The following EFCAB7 variants were observed in gnomAD, a reference collection of about 807,000 sequenced individuals.
EFCAB7 encodes the protein EF-hand calcium-binding domain-containing protein 7.
EFCAB7 carries 66 observed loss-of-function variants against 77.1 expected under a neutral mutation model. The ratio of observed to expected loss-of-function variants is 0.86; its 90% confidence interval spans 0.70 to 1.05. The LOEUF (loss-of-function observed/expected upper bound fraction) is 1.05, where lower values mean the gene tolerates loss of function less well. Ranked by LOEUF, EFCAB7 falls within the 50% of genes least tolerant of loss-of-function variation. The pLI is 0.00. For missense variants in EFCAB7, 638 were observed against 730.5 expected, an observed-to-expected ratio of 0.87 and a Z score of 1.46; for synonymous variants, 225 against 243.3, an observed-to-expected ratio of 0.92 and a Z score of 0.70.
the EFCAB7 span, among the ~76,000 whole-genome samples, chr1:63,582,247 A>G: frequency 1.3e-5 from 2 of 152,246 alleles, no homozygotes; most frequent in Non-Finnish European, 2.9e-5. Context: ...AAATGCCACT[A>G]GTGACATTAG....
At chr1:63,575,251 A>G (rs576064857), downstream of EFCAB7, among the ~76,000 whole-genome samples, 1 of 152,090 alleles carries the variant, frequency 6.6e-6, no homozygotes, top group African/African-American at 2.4e-5. Flanking sequence ...ACATATTCTT[A>G]AATTACTATA....
At chr1:63,557,950 A>G (rs1647051168) in intron 10 of EFCAB7, among the ~76,000 whole-genome samples, 1 of 152,200 alleles carries the variant, frequency 6.6e-6, no homozygotes, top group Admixed American at 6.5e-5. Flanking sequence ...TCACTGGGAT[A>G]GCTATATGTG....
At chr1:63,533,361 G>A (rs893215922) in intron 4 of EFCAB7, 93 bp from the exon 5 acceptor site, 31 of 884,784 alleles carry the variant, frequency 3.5e-5, no homozygotes, top group Middle Eastern at 5.4e-4. Context: ...CCATCTATCA[G>A]TCTGTTCCTT....
chr1:63,582,837 T>C, the EFCAB7 span, among the ~76,000 whole-genome samples: 13 of 152,296 alleles, frequency 8.5e-5, no homozygotes, highest in African/African-American at 3.1e-4. Flanking sequence ...ACTTCTGACC[T>C]CAGGTAATCC....
At chr1:63,566,531 G>A (rs1358110526) in intron 11 of EFCAB7, among the ~76,000 whole-genome samples, 1 of 152,118 alleles carries the variant, frequency 6.6e-6, no homozygotes, top group African/African-American at 2.4e-5. Context: ...TAGAGAATAT[G>A]TTTTAACATG....
intron 1 of EFCAB7, among the ~76,000 whole-genome samples, chr1:63,524,008 T>G (rs1415551647): frequency 6.6e-6 from 1 of 152,148 alleles, no homozygotes; most frequent in East Asian, 1.9e-4. Flanking sequence ...GGCCGGAGTT[T>G]TAAGTAAGGG....
At chr1:63,535,013 T>TTCA (rs766203495) in intron 6 of EFCAB7, among the ~76,000 whole-genome samples, 3 of 152,234 alleles carry the variant, frequency 2.0e-5, no homozygotes, top group Admixed American at 6.5e-5. Context: ...GTCCAACATG[T>TTCA]TCATACACAA....
intron 9 of EFCAB7, among the ~76,000 whole-genome samples, chr1:63,556,198 G>T (rs1359913983): frequency 6.6e-6 from 1 of 152,028 alleles, no homozygotes; most frequent in Non-Finnish European, 1.5e-5. Context: ...TGACAATATG[G>T]TGATTATAGT....
rs1646574205 is a variant in EFCAB7, at chr1:63,525,588, C to T, written c.16C>T (p.Arg6Ter). The part of the protein sequence containing the change: MAISP[R>*]SDATFSSQKS... The stretch of plus-strand genomic sequence containing the variant: ...TTCCAATAGAATGGCGATCAGTCCA[C>T]GAAGCGATGCAACTTTCTCCAGTCA... Residue 6 changes from arginine (R) to a stop codon, truncating the protein, a stop_gained, in exon 2 of 14, where the codon CGA (arginine) becomes TGA (stop). Coordinates refer to ENST00000371088, the MANE Select transcript of EFCAB7 (RefSeq NM_032437.4). LOFTEE classifies it high-confidence loss of function. The T allele has an allele frequency of 5.1e-6, 8 of 1,566,516 alleles. No homozygotes were observed. Among genetic ancestry groups the T allele is most frequent in the East Asian group, 2.3e-5 (1 of 43,064 alleles).
In EFCAB7 at chr1:63,533,709, AT is replaced by A; in HGVS notation, c.682+65del. 3.0e-6 allele frequency: 4 copies of A among 1,311,504 alleles called. No homozygotes were observed. The East Asian group carries it at 9.7e-5, about 32-fold the overall frequency. 81.2% of individuals were successfully genotyped at this position (1,311,504 alleles called of 1,614,324 possible). On this transcript the variant is annotated intron_variant, in intron 5 of 13. Transcript: ENST00000371088. ...GAAATGAAGAGTCATATTCAGATAA[AT>A]TTTTCCTTCCATTTCAGCTTATCAG...
chr1:63,534,184 A>C lies in EFCAB7; in HGVS notation c.772A>C (p.Asn258His). The part of the protein sequence containing the change: ...TVTMGANGNR[N>H]SKLMEPNLIK... ...TACCATGGGGGCTAATGGTAACCGA[A>C]ACTCAAAGTTAATGGAGCCAAATTT... is the stretch of plus-strand genomic sequence containing the variant. Residue 258 changes from asparagine to histidine, a missense_variant, in exon 6 of 14, where the codon AAC (asparagine) becomes CAC (histidine). Asn to His is a moderately conservative substitution (Grantham distance 68). Coordinates refer to ENST00000371088, the MANE Select transcript of EFCAB7 (RefSeq NM_032437.4). The C allele has an allele frequency of 5.6e-6, 9 of 1,612,998 alleles. No individual in the cohort carries two copies. The highest frequency in any genetic ancestry group is 7.6e-6 in the Non-Finnish European group (9 of 1,179,316).
At chr1:63,578,917 A>AT in the EFCAB7 span, among the ~76,000 whole-genome samples, 71 of 152,338 alleles carry the variant, frequency 4.7e-4, 1 homozygote, top group African/African-American at 1.6e-3. Flanking sequence ...TGTAACATAC[A>AT]TTTTTTAAAT....
At chr1:63,547,149 T>A (rs1646908160) in intron 7 of EFCAB7, 1 of 152,184 alleles carries the variant, frequency 6.6e-6, no homozygotes, top group South Asian at 2.1e-4. Context: ...TAAATGACAA[T>A]AACAATAGTT....
At chr1:63,549,349 G>A (rs1646938395) in intron 7 of EFCAB7, 2 of 470,858 alleles carry the variant, frequency 4.2e-6, no homozygotes, top group Non-Finnish European at 8.8e-6. Flanking sequence ...GGAACAAAAT[G>A]TTTGTAAATT....
At chr1:63,563,185 G>A (rs1475674267) in intron 11 of EFCAB7, among the ~76,000 whole-genome samples, 2 of 152,144 alleles carry the variant, frequency 1.3e-5, no homozygotes, top group African/African-American at 2.4e-5. Context: ...CACAGTTACT[G>A]ATGTCATTTA....
downstream of EFCAB7, among the ~76,000 whole-genome samples, chr1:63,575,903 A>G (rs1647398941): frequency 6.6e-6 from 1 of 152,122 alleles, no homozygotes; most frequent in African/African-American, 2.4e-5. Context: ...CATTCTTATT[A>G]GAGAACATAT....
At chr1:63,537,970 C>T (rs1246499286) in intron 6 of EFCAB7, among the ~76,000 whole-genome samples, 1 of 152,062 alleles carries the variant, frequency 6.6e-6, no homozygotes, top group African/African-American at 2.4e-5. Flanking sequence ...TGGGACTATA[C>T]TGATGTATTT....
intron 6 of EFCAB7, among the ~76,000 whole-genome samples, chr1:63,536,922 T>G (rs978691183): frequency 2.6e-5 from 4 of 152,198 alleles, no homozygotes; most frequent in African/African-American, 9.6e-5. Flanking sequence ...TAAACAAGTT[T>G]GGGTATCTCA....
At chr1:63,549,029 T>C (rs1342791070) in intron 7 of EFCAB7, 1 of 238,888 alleles carries the variant, frequency 4.2e-6, no homozygotes, top group Non-Finnish European at 8.2e-6. Flanking sequence ...TATCCAAGAG[T>C]ATAGCGCCAC....
Sources: gnomAD v4.1 joint callset for allele counts (sites outside exome capture counted in the v4.1 genomes callset) on GRCh38, gnomAD v4.1.1 for gene constraint, MANE v1.5 for transcripts, NCBI Gene and HGNC (gene_info 2026-07-23, HGNC 2026-07-21) for gene names.